ZNF75A: variants seen among roughly 807,000 people sequenced by gnomAD.
The protein encoded by ZNF75A is zinc finger protein 75A.
A neutral mutation model predicts 46.3 loss-of-function variants in ZNF75A; 36 were observed. The observed-to-expected ratio is 0.78, with a 90% confidence interval of 0.60 to 1.03. ZNF75A has a LOEUF of 1.03. Ranked by LOEUF, ZNF75A falls within the 50% of genes least tolerant of loss-of-function variation. The pLI is 0.00. For synonymous variants in ZNF75A, 234 were observed against 189.9 expected (o/e 1.23, Z -1.91); for missense variants, 595 against 551.3 (o/e 1.08, Z -0.79).
In ZNF75A at chr16:3,308,841, G is replaced by T. The variant is rs888658498; in HGVS notation, c.408+5G>T. 2.0e-6 allele frequency: 2 copies of T among 985,862 alleles called. No homozygotes were observed. The highest frequency in any genetic ancestry group is 1.2e-6 in the Non-Finnish European group (1 of 829,992). 61.1% of individuals were successfully genotyped at this position (985,862 alleles called of 1,614,324 possible). The stretch of plus-strand genomic sequence containing the variant: ...TCTGGTCAAACATGGAATGGGGTGA[G>T]AAGAAAGATTCCTGACATGTACAGT... On this transcript the variant is annotated splice_donor_5th_base_variant and intron_variant, in intron 2 of 6. Transcript: ENST00000669516.
At chr16:3,320,763 G>T (rs2029908794), downstream of ZNF75A, among the ~76,000 whole-genome samples, 1 of 152,216 alleles carries the variant, frequency 6.6e-6, no homozygotes, top group Admixed American at 6.5e-5. Flanking sequence ...TTCAAAGAAT[G>T]GTTTGTTAAC....
chr16:3,316,846 C>G, intron 5 of ZNF75A, 66 bp from the exon 6 acceptor site: 3 of 1,079,348 alleles, frequency 2.8e-6, no homozygotes, highest in Middle Eastern at 2.0e-4. Context: ...CTGAAACAGT[C>G]TGGGATTAGT....
Position 3,318,809 on chromosome 16 carries a change from T to G in ZNF75A, c.*940T>G. 1.0e-6 allele frequency: 1 copy of G among 985,454 alleles called. No individual in the cohort carries two copies. Among genetic ancestry groups the G allele is most frequent in the Non-Finnish European group, 1.2e-6 (1 of 829,944 alleles). 61.0% of individuals were successfully genotyped at this position (985,454 alleles called of 1,614,324 possible). A position where few individuals can be genotyped will look rare whatever the true frequency, so the allele number is the denominator to read the frequency against. On this transcript the variant is annotated 3_prime_UTR_variant, in exon 7 of 7. Transcript: ENST00000669516. ...TTGGCATGGAGACCTGGACATGTAG[T>G]CAGCAGGAGACGGTTCCCTAAATAA...
At chr16:3,310,465 A>G (rs1301225033) in intron 2 of ZNF75A, 2 of 155,720 alleles carry the variant, frequency 1.3e-5, no homozygotes, top group African/African-American at 4.8e-5. Context: ...TCTCTACAAA[A>G]AATACAAAAA....
intron 2 of ZNF75A, chr16:3,309,173 G>A (rs2150800108): frequency 6.6e-6 from 1 of 152,362 alleles, no homozygotes; most frequent in African/African-American, 2.4e-5. Context: ...AAGAGTCAGG[G>A]AGGCTGGATG....
At chr16:3,308,903 CAGTT>C (rs1034122644) in intron 2 of ZNF75A, 67 bp downstream of exon 2, 1 of 942,574 alleles carries the variant, frequency 1.1e-6, no homozygotes. Flanking sequence ...GAGATGGTGG[CAGTT>C]AGTTGAGAAA....
At chr16:3,316,876 T>C (rs766795476) in intron 5 of ZNF75A, 36 bp from the exon 6 acceptor site, 2 of 1,449,344 alleles carry the variant, frequency 1.4e-6, no homozygotes, top group Non-Finnish European at 1.9e-6. Flanking sequence ...CACTGTTAAG[T>C]TACCAGTCCT....
intron 3 of ZNF75A, chr16:3,312,252 C>T (rs1465780116): frequency 1.3e-5 from 2 of 152,200 alleles, no homozygotes; most frequent in African/African-American, 4.8e-5. Flanking sequence ...CCACTTCATC[C>T]TTGTAAAATA....
intron 2 of ZNF75A, among the ~76,000 whole-genome samples, chr16:3,311,274 C>T (rs1319768735): frequency 6.6e-6 from 1 of 151,964 alleles, no homozygotes; most frequent in Non-Finnish European, 1.5e-5. Flanking sequence ...CCCGTCTCTA[C>T]TAAAAATGCA....
At chr16:3,323,271 T>C, downstream of ZNF75A, 1 of 839,512 alleles carries the variant, frequency 1.2e-6, no homozygotes, top group Admixed American at 1.7e-5. Flanking sequence ...CACTGTATTT[T>C]TGGTAGCATG....
At chr16:3,310,745 A>G (rs1432321831) in intron 2 of ZNF75A, 4 of 985,396 alleles carry the variant, frequency 4.1e-6, no homozygotes, top group East Asian at 1.1e-4. Flanking sequence ...ATAGCCAAGG[A>G]CAGGAAATGC....
In ZNF75A at chr16:3,318,802, C is replaced by T. The variant is rs1961411067; in HGVS notation, c.*933C>T. On this transcript the variant is annotated 3_prime_UTR_variant, in exon 7 of 7. Transcript: ENST00000669516. ...GGCTCATTTGGCATGGAGACCTGGA[C>T]ATGTAGTCAGCAGGAGACGGTTCCC... The T allele has an allele frequency of 2.0e-6, 2 of 985,230 alleles. No homozygotes were observed. The highest frequency in any genetic ancestry group is 6.2e-5 in the Admixed American group (1 of 16,242). The allele number at this position is 985,230 out of a possible 1,614,324, so 61.0% of individuals were successfully genotyped here.
At chr16:3,312,214 GA>G (rs1960861599) in intron 3 of ZNF75A, 1 of 152,376 alleles carries the variant, frequency 6.6e-6, no homozygotes, top group Non-Finnish European at 1.5e-5. Flanking sequence ...GGAGAGGAAG[GA>G]AAGAAATGGA....
chr16:3,317,744 C>G lies in ZNF75A; in HGVS notation c.1489C>G (p.Gln497Glu). 1 of 1,614,178 alleles carries G rather than the reference C, an allele frequency of 6.2e-7. No homozygotes were observed. Among genetic ancestry groups the G allele is most frequent in the Non-Finnish European group, 8.5e-7 (1 of 1,180,028 alleles). ...TCATGAATGTGGAAAAAAATTCAGT[C>G]AGAACTCCCACCTTATTAAACACCG... ...TCHECGKKFS[Q>E]NSHLIKHRRT... The change falls in exon 7 of 7, where the codon CAG (glutamine) becomes GAG (glutamate). Residue 497 changes from glutamine to glutamate, a missense_variant. Transcript: ENST00000669516.
downstream of ZNF75A, among the ~76,000 whole-genome samples, chr16:3,320,043 CCTAT>C (rs1160469286): frequency 2.0e-5 from 3 of 151,006 alleles, no homozygotes; most frequent in South Asian, 2.1e-4. Context: ...CATAACCTGC[CCTAT>C]CTTTTTTTTT....
At position 3,314,800 on chromosome 16, in the gene ZNF75A, T is replaced by A. The variant is rs540358664; in HGVS notation, c.823+1625T>A. The A allele has an allele frequency of 4.1e-6, 4 of 985,392 alleles. No individual in the cohort carries two copies. The East Asian group carries it at 4.5e-4, about 112-fold the overall frequency. The allele number at this position is 985,392 out of a possible 1,614,324, so 61.0% of individuals were successfully genotyped here. A position where few individuals can be genotyped will look rare whatever the true frequency, so the allele number is the denominator to read the frequency against. Reference sequence around the variant, plus strand: ...ATATTTTTCTCAGGAAGAATTGGAGTTACTGGATTACACTCAGAAGGCCCT... The same window carrying A: ...ATATTTTTCTCAGGAAGAATTGGAGATACTGGATTACACTCAGAAGGCCCT... On this transcript the variant is annotated intron_variant, in intron 5 of 6. Coordinates refer to ENST00000669516, the MANE Select transcript of ZNF75A (RefSeq NM_001302109.2).
In ZNF75A at chr16:3,306,305, C is replaced by T. The variant is rs946583787; in HGVS notation, c.-117+662C>T. 5 of 152,160 alleles carry T rather than the reference C, an allele frequency of 3.3e-5. No individual in the cohort carries two copies. In the East Asian group the frequency reaches 7.7e-4, roughly 23 times the overall value. 9.4% of individuals were successfully genotyped at this position (152,160 alleles called of 1,614,324 possible). A position where few individuals can be genotyped will look rare whatever the true frequency, so the allele number is the denominator to read the frequency against. ...GGAGTTGATATTTCATAAACATCAG[C>T]GACAGAAAGAAAATACGACTTGATA... On this transcript the variant is annotated intron_variant, in intron 1 of 6. Coordinates refer to ENST00000669516, the MANE Select transcript of ZNF75A (RefSeq NM_001302109.2).
At chr16:3,313,239 C>A (rs559741058) in intron 5 of ZNF75A, 64 bp downstream of exon 5, 1 of 1,546,420 alleles carries the variant, frequency 6.5e-7, no homozygotes, top group Non-Finnish European at 8.8e-7. Flanking sequence ...GAGAAGGAAC[C>A]CCAGTGAGGG....
chr16:3,306,742 C>G (rs1960288802), intron 1 of ZNF75A: 1 of 151,974 alleles, frequency 6.6e-6, no homozygotes, highest in African/African-American at 2.4e-5. Flanking sequence ...TATAAATCAT[C>G]TGCATGGCAC....
Sources: gnomAD v4.1 joint callset for allele counts (sites outside exome capture counted in the v4.1 genomes callset) on GRCh38, gnomAD v4.1.1 for gene constraint, MANE v1.5 for transcripts, NCBI Gene and HGNC (gene_info 2026-07-23, HGNC 2026-07-21) for gene names.